Variants in GPC6 observed in about 807,000 individuals in gnomAD.
GPC6 encodes the protein glypican-6.
GPC6 carries 14 observed loss-of-function variants against 55.2 expected under a neutral mutation model. The observed-to-expected ratio is 0.25, with a 90% CI of 0.17 to 0.40. GPC6 has a LOEUF of 0.40. Ranked by LOEUF, GPC6 falls within the 10% of genes least tolerant of loss-of-function variation. GPC6 has a pLI of 1.00. For missense variants in GPC6, 641 were observed against 708.5 expected, an observed-to-expected ratio of 0.90 and a Z score of 1.08; for synonymous variants, 278 against 259.6, an observed-to-expected ratio of 1.07 and a Z score of -0.68.
intron 2 of GPC6, among the ~76,000 whole-genome samples, chr13:93,734,187 A>G (rs1883921345): frequency 6.6e-6 from 1 of 152,182 alleles, no homozygotes; most frequent in Admixed American, 6.5e-5. Flanking sequence ...TAAGCCATAA[A>G]CTGTATTAAA....
At chr13:93,962,356 A>C (rs1435486897) in intron 3 of GPC6, among the ~76,000 whole-genome samples, 1 of 152,120 alleles carries the variant, frequency 6.6e-6, no homozygotes, top group Non-Finnish European at 1.5e-5. Flanking sequence ...AGGATACAGA[A>C]AGAGAGATGT....
intron 1 of GPC6, among the ~76,000 whole-genome samples, chr13:93,484,134 C>G (rs1318704728): frequency 6.6e-6 from 1 of 151,066 alleles, no homozygotes; most frequent in East Asian, 1.9e-4. Context: ...GGTGTGTTAT[C>G]TCCTTCAGCA....
intron 4 of GPC6, among the ~76,000 whole-genome samples, chr13:94,275,884 T>C (rs1377106615): frequency 6.6e-6 from 1 of 152,166 alleles, no homozygotes; most frequent in Non-Finnish European, 1.5e-5. Context: ...GAGATGCCAA[T>C]TTCTTACTCT....
intron 1 of GPC6, among the ~76,000 whole-genome samples, chr13:93,352,418 T>G (rs1034400157): frequency 6.6e-6 from 1 of 152,226 alleles, no homozygotes; most frequent in African/African-American, 2.4e-5. Context: ...ATTTCTTATA[T>G]GAAGTACCTA....
chr13:94,085,547 A>G (rs534533889), intron 4 of GPC6, among the ~76,000 whole-genome samples: 81 of 152,138 alleles, frequency 5.3e-4, no homozygotes, highest in Non-Finnish European at 8.8e-4. Flanking sequence ...TCGGGATATA[A>G]TAAGAGTCTA....
intron 6 of GPC6, among the ~76,000 whole-genome samples, chr13:94,344,666 TCCAGCCC>T (rs1487466953): frequency 6.6e-6 from 1 of 152,206 alleles, no homozygotes; most frequent in Non-Finnish European, 1.5e-5. Flanking sequence ...CAGGAGTATC[TCCAGCCC>T]CCGCTAACAC....
intron 4 of GPC6, among the ~76,000 whole-genome samples, chr13:94,282,603 G>A (rs756583985): frequency 7.2e-5 from 11 of 152,210 alleles, no homozygotes; most frequent in Non-Finnish European, 1.5e-4. Flanking sequence ...ATGTGGTGCT[G>A]ACTGGGTTCA....
chr13:94,310,552 G>C (rs1876194073), intron 6 of GPC6, among the ~76,000 whole-genome samples: 1 of 152,122 alleles, frequency 6.6e-6, no homozygotes, highest in Non-Finnish European at 1.5e-5. Context: ...CTGTGTGGCG[G>C]ACTATGCAGC....
At chr13:94,376,357 G>A (rs1187328709) in intron 6 of GPC6, among the ~76,000 whole-genome samples, 1 of 148,892 alleles carries the variant, frequency 6.7e-6, no homozygotes, top group East Asian at 2.0e-4. Context: ...AAAGTCTCAG[G>A]ATACAAAATC....
intron 2 of GPC6, among the ~76,000 whole-genome samples, chr13:93,633,599 G>C (rs1398201568): frequency 6.6e-6 from 1 of 151,836 alleles, no homozygotes; most frequent in East Asian, 1.9e-4. Flanking sequence ...TGGCGCCACT[G>C]TACTCCAGCC....
chr13:93,659,598 G>A (rs1009629741), intron 2 of GPC6, among the ~76,000 whole-genome samples: 7 of 151,996 alleles, frequency 4.6e-5, no homozygotes, highest in African/African-American at 1.7e-4. Context: ...CAACATAGCT[G>A]TATACATCTA....
rs753596543 is a variant in GPC6 at position 93,638,904 on chromosome 13, G to A, written c.319+93483G>A. ...TTATTCCAGAAATATTTGCATAATG[G>A]CAAAAATAGTGTATATGTTAAATCA... On this transcript the variant is annotated intron_variant, in intron 2 of 8. Transcript: ENST00000377047. Among the ~76,000 whole-genome samples, 196 of 151,988 alleles carry A rather than the reference G, an allele frequency of 1.3e-3. 5 individuals carry two copies. Among genetic ancestry groups the A allele is most frequent in the Non-Finnish European group, 6.2e-4 (42 of 67,960 alleles).
At chr13:93,935,741 G>A (rs1376589758) in intron 3 of GPC6, among the ~76,000 whole-genome samples, 1 of 152,152 alleles carries the variant, frequency 6.6e-6, no homozygotes, top group African/African-American at 2.4e-5. Context: ...AACAGAGCAT[G>A]CCAACATATA....
At chr13:93,506,011 C>T (rs1018521689) in intron 1 of GPC6, among the ~76,000 whole-genome samples, 1 of 152,084 alleles carries the variant, frequency 6.6e-6, no homozygotes, top group Non-Finnish European at 1.5e-5. Flanking sequence ...CATTCTTCTC[C>T]TGTTGTTGTC....
Position 93,717,650 on chromosome 13 carries a change from C to T in GPC6, c.320-112504C>T, listed in dbSNP as rs557244305. ...TAATTATACTTTATGTTCTGGGATA[C>T]ATGTGCAGAATGTGCAGGTTTGTTA... On this transcript the variant is annotated intron_variant, in intron 2 of 8. Coordinates refer to ENST00000377047, the MANE Select transcript of GPC6 (RefSeq NM_005708.5). Among the ~76,000 whole-genome samples, 682 of 151,798 alleles carry T rather than the reference C, an allele frequency of 4.5e-3. 6 individuals are homozygous for T. Among genetic ancestry groups the T allele is most frequent in the African/African-American group, 0.015 (626 of 41,450 alleles).
chr13:93,773,936 T>C (rs1434436192), intron 2 of GPC6, among the ~76,000 whole-genome samples: 1 of 152,188 alleles, frequency 6.6e-6, no homozygotes, highest in Non-Finnish European at 1.5e-5. Context: ...AGACATCATT[T>C]TGCCATGCAG....
At chr13:93,849,467 A>G (rs1490153624) in intron 3 of GPC6, among the ~76,000 whole-genome samples, 2 of 152,104 alleles carry the variant, frequency 1.3e-5, no homozygotes, top group Non-Finnish European at 2.9e-5. Flanking sequence ...TGAAAGATGA[A>G]TGACTGAATA....
At chr13:93,886,407 G>A (rs533828173) in intron 3 of GPC6, among the ~76,000 whole-genome samples, 1 of 151,968 alleles carries the variant, frequency 6.6e-6, no homozygotes, top group African/African-American at 2.4e-5. Context: ...GCTGTCCCCA[G>A]TGCAGATTCT....
At chr13:94,032,695 G>A (rs1319775926) in intron 4 of GPC6, among the ~76,000 whole-genome samples, 2 of 152,126 alleles carry the variant, frequency 1.3e-5, no homozygotes, top group African/African-American at 4.8e-5. Flanking sequence ...GGGTGTTGTG[G>A]GGGAAGCCAG....
Sources: allele counts gnomAD v4.1 joint callset (sites outside exome capture counted in the v4.1 genomes callset), GRCh38; gene constraint gnomAD v4.1.1; transcripts MANE v1.5; gene names NCBI Gene and HGNC (gene_info 2026-07-23, HGNC 2026-07-21).